Variants in GALNTL6 observed in about 807,000 individuals in gnomAD.
GALNTL6 encodes the protein polypeptide N-acetylgalactosaminyltransferase-like 6.
GALNTL6 carries 46 observed loss-of-function variants against 73.7 expected under a neutral mutation model. The observed-to-expected ratio is 0.62, with a 90% CI of 0.49 to 0.80. The LOEUF (loss-of-function observed/expected upper bound fraction) is 0.80. GALNTL6 is among the 30% of genes least tolerant of loss of function. The probability of loss-of-function intolerance (pLI) is 0.00; values close to 1 mark genes in which losing one functional copy is unlikely to be tolerated. For missense variants in GALNTL6, 604 were observed against 755.0 expected (o/e 0.80, Z 2.34); for synonymous variants, 259 against 263.7 (o/e 0.98, Z 0.17).
intron 2 of GALNTL6, among the ~76,000 whole-genome samples, chr4:171,986,869 A>C (rs1740110183): frequency 6.6e-6 from 1 of 152,200 alleles, no homozygotes; most frequent in South Asian, 2.1e-4. Context: ...TTATTTATTT[A>C]CTTCAAGAGT....
intron 2 of GALNTL6, among the ~76,000 whole-genome samples, chr4:172,000,847 A>G (rs1740653071): frequency 6.6e-6 from 1 of 152,166 alleles, no homozygotes; most frequent in Non-Finnish European, 1.5e-5. Context: ...TAGCATAGGT[A>G]GAGAAACAAG....
intron 10 of GALNTL6, among the ~76,000 whole-genome samples, chr4:172,961,550 A>G (rs1750058687): frequency 6.6e-6 from 1 of 152,192 alleles, no homozygotes; most frequent in African/African-American, 2.4e-5. Context: ...ACACTAAGGG[A>G]AGACTGTCTT....
At chr4:172,622,018 C>T (rs536193088) in intron 5 of GALNTL6, among the ~76,000 whole-genome samples, 1 of 152,264 alleles carries the variant, frequency 6.6e-6, no homozygotes, top group Non-Finnish European at 1.5e-5. Flanking sequence ...CAAGCTCTTC[C>T]TCGATTTGCC....
chr4:171,953,253 T>C (rs1738942577), intron 2 of GALNTL6, among the ~76,000 whole-genome samples: 1 of 151,852 alleles, frequency 6.6e-6, no homozygotes, highest in Admixed American at 6.6e-5. Flanking sequence ...TGTGTGTGTG[T>C]GTGTGTGTGT....
chr4:171,869,438 C>G, intron 2 of GALNTL6, among the ~76,000 whole-genome samples: 1 of 152,142 alleles, frequency 6.6e-6, no homozygotes, highest in East Asian at 1.9e-4. Flanking sequence ...TCTTGCTTGG[C>G]ACACCCCTGC....
intron 2 of GALNTL6, among the ~76,000 whole-genome samples, chr4:171,866,489 T>A (rs932567944): frequency 6.6e-6 from 1 of 152,036 alleles, no homozygotes; most frequent in Non-Finnish European, 1.5e-5. Context: ...GTTTCTTTTT[T>A]CTCTCTCTCT....
intron 3 of GALNTL6, among the ~76,000 whole-genome samples, chr4:172,263,101 G>A (rs1352552888): frequency 1.3e-5 from 2 of 151,428 alleles, no homozygotes; most frequent in African/African-American, 4.8e-5. Flanking sequence ...ATGTCTAGAT[G>A]ATGATCTATT....
intron 11 of GALNTL6, 120 bp downstream of exon 11, chr4:173,009,414 G>A: frequency 3.0e-6 from 2 of 661,494 alleles, no homozygotes; most frequent in Admixed American, 4.9e-5. Context: ...GACCTGGAGT[G>A]AGGCCGCTGT....
intron 2 of GALNTL6, among the ~76,000 whole-genome samples, chr4:171,952,059 T>C (rs1349724351): frequency 6.6e-6 from 1 of 152,026 alleles, no homozygotes; most frequent in Non-Finnish European, 1.5e-5. Context: ...AACCATTCTT[T>C]GAAATAAAGT....
intron 2 of GALNTL6, among the ~76,000 whole-genome samples, chr4:171,903,295 G>A (rs1014719969): frequency 6.6e-5 from 10 of 151,894 alleles, no homozygotes; most frequent in East Asian, 2.0e-4. Context: ...CGCACCGTGC[G>A]CGAGCTGAAG....
chr4:172,859,883 A>G (rs1238798881), intron 7 of GALNTL6, among the ~76,000 whole-genome samples: 1 of 151,994 alleles, frequency 6.6e-6, no homozygotes, highest in Non-Finnish European at 1.5e-5. Flanking sequence ...ATGATCTGTC[A>G]TTATCTCCCA....
chr4:172,974,221 G>A (rs1750708838), intron 10 of GALNTL6, among the ~76,000 whole-genome samples: 1 of 152,074 alleles, frequency 6.6e-6, no homozygotes, highest in Non-Finnish European at 1.5e-5. Context: ...TTTATATTTA[G>A]GATATGTATT....
chr4:172,973,448 A>T (rs1750668957), intron 10 of GALNTL6, among the ~76,000 whole-genome samples: 1 of 152,264 alleles, frequency 6.6e-6, no homozygotes, highest in African/African-American at 2.4e-5. Context: ...AGCCAAATCT[A>T]GAATGTAGGA....
Position 172,242,082 on chromosome 4 carries a change from G to A in GALNTL6, c.247+12318G>A, listed in dbSNP as rs548471918. 3.3e-5 allele frequency among the ~76,000 whole-genome samples: 5 copies of A among 151,992 alleles called. No individual in the cohort carries two copies. In the East Asian group the frequency reaches 7.7e-4, roughly 23 times the overall value. On this transcript the variant is annotated intron_variant, in intron 3 of 12. Coordinates refer to ENST00000506823, the MANE Select transcript of GALNTL6 (RefSeq NM_001034845.3). Reference sequence around the variant, plus strand: ...ATAGTAGCTGAAGAGCTATCTAGTCGACATTTCTCCACGTATAATTTTTTT... The same window carrying A: ...ATAGTAGCTGAAGAGCTATCTAGTCAACATTTCTCCACGTATAATTTTTTT...
At chr4:172,441,195 A>G (rs1181175347) in intron 5 of GALNTL6, among the ~76,000 whole-genome samples, 2 of 152,122 alleles carry the variant, frequency 1.3e-5, no homozygotes, top group Non-Finnish European at 2.9e-5. Context: ...CACTAAAGGT[A>G]CTATCTTCAA....
intron 8 of GALNTL6, among the ~76,000 whole-genome samples, chr4:172,893,622 A>T (rs938644515): frequency 1.3e-5 from 2 of 152,180 alleles, no homozygotes; most frequent in African/African-American, 4.8e-5. Context: ...GGGGGCACAA[A>T]GATCAGATGC....
intron 2 of GALNTL6, among the ~76,000 whole-genome samples, chr4:171,840,680 T>C (rs906471198): frequency 5.3e-5 from 8 of 152,136 alleles, no homozygotes; most frequent in Non-Finnish European, 1.2e-4. Context: ...CATCATATTA[T>C]TTTCTCTCAT....
chr4:171,942,247 T>TAAATAAATAAATA (rs1170362801), intron 2 of GALNTL6, among the ~76,000 whole-genome samples: 1 of 147,890 alleles, frequency 6.8e-6, no homozygotes, highest in Non-Finnish European at 1.5e-5. Context: ...AATAGATAAA[T>TAAATAAATAAATA]AAATAAATAA....
At chr4:172,254,618 C>A (rs550232991) in intron 3 of GALNTL6, among the ~76,000 whole-genome samples, 1 of 151,600 alleles carries the variant, frequency 6.6e-6, no homozygotes, top group East Asian at 1.9e-4. Flanking sequence ...ATGTATAGAA[C>A]AGGAGAATAA....
Sources: allele counts gnomAD v4.1 joint callset (sites outside exome capture counted in the v4.1 genomes callset), GRCh38; gene constraint gnomAD v4.1.1; transcripts MANE v1.5; gene names NCBI Gene and HGNC (gene_info 2026-07-23, HGNC 2026-07-21).